Variants in FCHSD2 observed in about 807,000 individuals in gnomAD.
FCHSD2 encodes FCH and double SH3 domains 2, also known as F-BAR and double SH3 domains protein 2.
In FCHSD2, 38 loss-of-function variants were observed where a neutral mutation model predicts 108.1. The observed-to-expected ratio is 0.35, with a 90% CI of 0.27 to 0.46. FCHSD2 has a LOEUF of 0.46. Ranked by LOEUF, FCHSD2 falls within the 20% of genes least tolerant of loss-of-function variation. The pLI is 1.00. For synonymous variants in FCHSD2, 279 were observed against 314.7 expected, an observed-to-expected ratio of 0.89 and a Z score of 1.20; for missense variants, 751 against 897.8, an observed-to-expected ratio of 0.84 and a Z score of 2.09.
rs529203529 is a variant in FCHSD2 at position 73,123,667 on chromosome 11, C to T, written c.119+16364G>A. On this transcript the variant is annotated intron_variant, in intron 2 of 19. Coordinates refer to ENST00000409418, the MANE Select transcript of FCHSD2 (RefSeq NM_014824.3). Reference sequence around the variant, plus strand: ...TATTCAGGAATTTGAATAAACTATACGATCTTCTTAATTGCATAACCATCC... The same window carrying T: ...TATTCAGGAATTTGAATAAACTATATGATCTTCTTAATTGCATAACCATCC... Among the ~76,000 whole-genome samples, 40 of 152,292 alleles carry T rather than the reference C, an allele frequency of 2.6e-4. No homozygotes were observed. The South Asian group carries it at 7.5e-3, about 28-fold the overall frequency.
chr11:73,061,562 T>G (rs566724549), intron 3 of FCHSD2, among the ~76,000 whole-genome samples: 1 of 152,282 alleles, frequency 6.6e-6, no homozygotes, highest in Non-Finnish European at 1.5e-5. Context: ...TCCACTGGCT[T>G]GAAATTCTCA....
intron 7 of FCHSD2, among the ~76,000 whole-genome samples, 175 bp from the exon 8 acceptor site, chr11:72,984,391 G>A (rs948344691): frequency 6.6e-6 from 1 of 152,162 alleles, no homozygotes; most frequent in Admixed American, 6.5e-5. Flanking sequence ...GAATGAAACA[G>A]TGACTAGAAC....
At chr11:72,905,956 T>C (rs1855621060) in intron 9 of FCHSD2, among the ~76,000 whole-genome samples, 1 of 152,234 alleles carries the variant, frequency 6.6e-6, no homozygotes, top group Non-Finnish European at 1.5e-5. Flanking sequence ...ATATACCCAG[T>C]AATGGGATTG....
At chr11:73,115,959 T>G (rs1860591776) in intron 2 of FCHSD2, among the ~76,000 whole-genome samples, 1 of 152,240 alleles carries the variant, frequency 6.6e-6, no homozygotes, top group Non-Finnish European at 1.5e-5. Flanking sequence ...ATAAGCAAGT[T>G]GATACATAAA....
intron 9 of FCHSD2, among the ~76,000 whole-genome samples, chr11:72,915,031 A>C (rs549912734): frequency 4.8e-4 from 71 of 147,608 alleles, no homozygotes; most frequent in African/African-American, 1.7e-3. Flanking sequence ...TCTATAAGGA[A>C]CTTAAACAAG....
intron 5 of FCHSD2, among the ~76,000 whole-genome samples, chr11:72,999,412 C>T (rs1255027047): frequency 6.6e-5 from 10 of 151,456 alleles, no homozygotes; most frequent in African/African-American, 1.9e-4. Context: ...CTCCACCTCC[C>T]GGGTTCAAGC....
chr11:72,905,596 A>ACC (rs1344208015), intron 9 of FCHSD2, among the ~76,000 whole-genome samples: 1 of 130,996 alleles, frequency 7.6e-6, no homozygotes, highest in Non-Finnish European at 1.6e-5. Context: ...CTAGCCCCCC[A>ACC]CCCCCCGACA....
intron 12 of FCHSD2, among the ~76,000 whole-genome samples, chr11:72,868,460 C>T (rs1397554048): frequency 6.6e-6 from 1 of 152,048 alleles, no homozygotes; most frequent in Non-Finnish European, 1.5e-5. Flanking sequence ...GGCACACATA[C>T]CAGGATTACT....
chr11:73,100,033 G>A (rs1860184059), intron 2 of FCHSD2, among the ~76,000 whole-genome samples: 1 of 152,132 alleles, frequency 6.6e-6, no homozygotes, highest in Non-Finnish European at 1.5e-5. Flanking sequence ...CTTCCCTGAC[G>A]CACCCCGGAA....
intron 9 of FCHSD2, among the ~76,000 whole-genome samples, chr11:72,915,544 C>T (rs574580536): frequency 5.9e-5 from 9 of 152,274 alleles, no homozygotes; most frequent in Middle Eastern, 3.4e-3. Flanking sequence ...GGTACATGGT[C>T]GGGCGTGGTG....
chr11:73,039,736 G>A (rs1858588197), intron 3 of FCHSD2, among the ~76,000 whole-genome samples: 1 of 152,166 alleles, frequency 6.6e-6, no homozygotes, highest in Admixed American at 6.5e-5. Context: ...AATGATGCAG[G>A]ACTTGTTCTT....
chr11:73,138,328 A>C (rs1360741450), intron 2 of FCHSD2, among the ~76,000 whole-genome samples: 1 of 152,210 alleles, frequency 6.6e-6, no homozygotes, highest in Non-Finnish European at 1.5e-5. Flanking sequence ...CATATTCTTG[A>C]CCATAAGCTC....
intron 2 of FCHSD2, among the ~76,000 whole-genome samples, chr11:73,093,741 A>G (rs1322670482): frequency 6.6e-6 from 1 of 152,084 alleles, no homozygotes. Context: ...AGCTGGGATT[A>G]CAGGCATGCA....
chr11:72,905,902 T>C (rs537249981), intron 9 of FCHSD2, among the ~76,000 whole-genome samples: 38 of 152,340 alleles, frequency 2.5e-4, no homozygotes, highest in African/African-American at 7.7e-4. Context: ...TAAACATATG[T>C]GTGCATGTGT....
chr11:72,919,360 A>G (rs998388130), intron 9 of FCHSD2, among the ~76,000 whole-genome samples: 1 of 152,198 alleles, frequency 6.6e-6, no homozygotes, highest in Non-Finnish European at 1.5e-5. Context: ...TGAGATACTC[A>G]TATGAGTGAA....
rs138526473 is a variant in FCHSD2 at position 72,923,156 on chromosome 11, TTTTG to T, written c.706-1210_706-1207del. Among the ~76,000 whole-genome samples the T allele has an allele frequency of 0.022, 3,389 of 152,306 alleles. 187 individuals are homozygous for T. In the East Asian group the frequency reaches 0.24, roughly 11 times the overall value. On this transcript the variant is annotated intron_variant, in intron 8 of 19. Coordinates refer to ENST00000409418, the MANE Select transcript of FCHSD2 (RefSeq NM_014824.3). ...CTTAATAATATTCAGTTGTACCACA[TTTTG>T]TTTATTAATCAGGTGATATAAATTT...
At chr11:72,955,792 C>T (rs1856701054) in intron 8 of FCHSD2, among the ~76,000 whole-genome samples, 1 of 151,956 alleles carries the variant, frequency 6.6e-6, no homozygotes, top group Admixed American at 6.6e-5. Flanking sequence ...TCTTAGTGCC[C>T]CTTATCTACA....
At chr11:73,085,638 A>G (rs969803493) in intron 2 of FCHSD2, among the ~76,000 whole-genome samples, 9 of 152,126 alleles carry the variant, frequency 5.9e-5, no homozygotes, top group Admixed American at 1.3e-4. Context: ...TTCACAAAAG[A>G]CTTCAGAAGA....
At chr11:73,051,449 T>C (rs1858896302) in intron 3 of FCHSD2, among the ~76,000 whole-genome samples, 1 of 152,192 alleles carries the variant, frequency 6.6e-6, no homozygotes, top group Non-Finnish European at 1.5e-5. Flanking sequence ...AGGAAGTAAA[T>C]AGGTATTTTT....
Sources: gnomAD v4.1 joint callset for allele counts (sites outside exome capture counted in the v4.1 genomes callset) on GRCh38, gnomAD v4.1.1 for gene constraint, MANE v1.5 for transcripts, NCBI Gene and HGNC (gene_info 2026-07-23, HGNC 2026-07-21) for gene names.